ERG: variants seen among roughly 807,000 people sequenced by gnomAD.
ERG encodes the protein transcriptional regulator ERG.
Under a neutral mutation model 55.3 loss-of-function variants are expected in ERG, and 9 were observed. The observed-to-expected ratio is 0.16, with a 90% CI of 0.10 to 0.28. ERG has a LOEUF of 0.28. Among genes scored for constraint, ERG ranks in the 10% least tolerant of loss-of-function variants. The pLI is 1.00. For synonymous variants in ERG, 223 were observed against 237.3 expected, an observed-to-expected ratio of 0.94 and a Z score of 0.55; for missense variants, 434 against 631.6, an observed-to-expected ratio of 0.69 and a Z score of 3.35.
intron 2 of ERG, among the ~76,000 whole-genome samples, chr21:38,519,560 A>C (rs1029957670): frequency 2.6e-5 from 4 of 152,254 alleles, no homozygotes; most frequent in African/African-American, 9.6e-5. Context: ...TCATTTGCTT[A>C]ACCCAACAGA....
At chr21:38,379,319 C>T (rs537244254), downstream of ERG, among the ~76,000 whole-genome samples, 43 of 152,322 alleles carry the variant, frequency 2.8e-4, no homozygotes, top group African/African-American at 8.9e-4. Flanking sequence ...CCCTTCTAGA[C>T]GAGCATCCAT....
chr21:38,537,439 A>T (rs1031606848), intron 2 of ERG, among the ~76,000 whole-genome samples: 3 of 140,458 alleles, frequency 2.1e-5, no homozygotes, highest in African/African-American at 8.4e-5. Context: ...TCCAGAAAAA[A>T]AAATATATAT....
chr21:38,612,669 T>C (rs938526379), intron 1 of ERG, among the ~76,000 whole-genome samples: 3 of 151,180 alleles, frequency 2.0e-5, no homozygotes, highest in African/African-American at 7.3e-5. Context: ...TTTCCTTTTT[T>C]TTTTTTTTTT....
At chr21:38,437,126 T>C (rs975692307) in intron 2 of ERG, among the ~76,000 whole-genome samples, 3 of 152,098 alleles carry the variant, frequency 2.0e-5, no homozygotes, top group Non-Finnish European at 4.4e-5. Context: ...TGACCTCAAG[T>C]GATCTGCCCA....
Position 38,403,450 on chromosome 21 carries a change from C to T in ERG, c.592+56G>A, listed in dbSNP as rs147224498. The T allele has an allele frequency of 3.0e-4, 472 of 1,555,828 alleles. 4 individuals are homozygous for T. In the African/African-American group the frequency reaches 5.5e-3, roughly 18 times the overall value. On this transcript the variant is annotated intron_variant, in intron 4 of 9. Transcript: ENST00000288319. ...ACACCTGGTTGAACCCTCTGAAGCT[C>T]AGGTCATAAGAACCATAGCCACAGC...
chr21:38,493,438 T>C (rs1315013446), intron 1 of ERG, among the ~76,000 whole-genome samples: 1 of 152,150 alleles, frequency 6.6e-6, no homozygotes, highest in Non-Finnish European at 1.5e-5. Context: ...ATCCCAATTG[T>C]TAGGAATTTG....
At chr21:38,545,680 A>G (rs1338305015) in intron 2 of ERG, among the ~76,000 whole-genome samples, 1 of 152,228 alleles carries the variant, frequency 6.6e-6, no homozygotes, top group African/African-American at 2.4e-5. Flanking sequence ...GATAAACATG[A>G]TAGAGACCAT....
intron 2 of ERG, among the ~76,000 whole-genome samples, chr21:38,535,999 G>C (rs1445787467): frequency 1.3e-5 from 2 of 152,104 alleles, no homozygotes; most frequent in Non-Finnish European, 1.5e-5. Flanking sequence ...CCCTGCCTAA[G>C]CAACCATTTC....
chr21:38,602,045 A>G (rs960170646), intron 1 of ERG, among the ~76,000 whole-genome samples: 4 of 152,126 alleles, frequency 2.6e-5, no homozygotes, highest in Non-Finnish European at 4.4e-5. Context: ...TGTCTTCCTG[A>G]GTGCTTTTTA....
intron 1 of ERG, among the ~76,000 whole-genome samples, chr21:38,613,099 T>C (rs913042977): frequency 6.6e-6 from 1 of 152,250 alleles, no homozygotes; most frequent in African/African-American, 2.4e-5. Context: ...TTAAATAAAA[T>C]GTTCACTCTT....
intron 1 of ERG, among the ~76,000 whole-genome samples, chr21:38,464,540 T>C (rs1197344144): frequency 6.6e-6 from 1 of 152,250 alleles, no homozygotes; most frequent in African/African-American, 2.4e-5. Context: ...GTTGCCTTTA[T>C]TCTACAGGAT....
chr21:38,377,724 G>A (rs730853), downstream of ERG, among the ~76,000 whole-genome samples: 44,945 of 151,888 alleles, frequency 0.3, 7,159 homozygotes, highest in African/African-American at 0.43. Context: ...TGCAAATGGA[G>A]ATCAGCCCTG....
At chr21:38,406,268 A>G (rs1317001492) in intron 3 of ERG, among the ~76,000 whole-genome samples, 1 of 152,076 alleles carries the variant, frequency 6.6e-6, no homozygotes, top group Non-Finnish European at 1.5e-5. Context: ...GATGACAGAA[A>G]AGTGTACATA....
rs1987971261 is a variant in ERG at position 38,391,536 on chromosome 21, A to G, written c.871+123T>C. Reference sequence around the variant, plus strand: ...TGATGACTTGGGCCCTATCTTATGTATGGAGCTGTCGAAAAGAGGCAAACA... The same window carrying G: ...TGATGACTTGGGCCCTATCTTATGTGTGGAGCTGTCGAAAAGAGGCAAACA... On this transcript the variant is annotated intron_variant, in intron 8 of 9. Coordinates refer to ENST00000288319, the MANE Select transcript of ERG (RefSeq NM_182918.4). 10 of 793,990 alleles carry G rather than the reference A, an allele frequency of 1.3e-5. 1 individual carries two copies. In the South Asian group the frequency reaches 1.8e-4, roughly 14 times the overall value. The allele number at this position is 793,990 out of a possible 1,614,324, so 49.2% of individuals were successfully genotyped here.
At chr21:38,396,555 C>CTCTCTAA (rs1491341101) in intron 6 of ERG, among the ~76,000 whole-genome samples, 1 of 152,218 alleles carries the variant, frequency 6.6e-6, no homozygotes, top group Admixed American at 6.5e-5. Flanking sequence ...GCAGGCTTAA[C>CTCTCTAA]TCTCTAATCT....
At chr21:38,612,044 G>GCT (rs1448367647) in intron 1 of ERG, among the ~76,000 whole-genome samples, 2 of 152,204 alleles carry the variant, frequency 1.3e-5, no homozygotes, top group East Asian at 3.9e-4. Context: ...AGTTATATGT[G>GCT]CTCTAGCTCA....
At chr21:38,386,825 C>T (rs1021704668) in intron 9 of ERG, among the ~76,000 whole-genome samples, 5 of 151,776 alleles carry the variant, frequency 3.3e-5, no homozygotes, top group East Asian at 1.9e-4. Context: ...AACATCCTTG[C>T]GATGTCAGTA....
intron 3 of ERG, among the ~76,000 whole-genome samples, chr21:38,407,175 G>A (rs549262383): frequency 4.6e-5 from 7 of 152,224 alleles, no homozygotes; most frequent in African/African-American, 9.6e-5. Context: ...GAGGATGTGC[G>A]CAATGATTTA....
chr21:38,500,633 A>C (rs1436484256), upstream of ERG, among the ~76,000 whole-genome samples: 2 of 152,108 alleles, frequency 1.3e-5, no homozygotes, highest in Non-Finnish European at 2.9e-5. Flanking sequence ...TCTCTCTCCC[A>C]TATTTATTTA....
Sources: allele counts gnomAD v4.1 joint callset (sites outside exome capture counted in the v4.1 genomes callset), GRCh38; gene constraint gnomAD v4.1.1; transcripts MANE v1.5; gene names NCBI Gene and HGNC (gene_info 2026-07-23, HGNC 2026-07-21).